Variants in GUCY1A2 observed in about 807,000 individuals in gnomAD.
GUCY1A2 encodes the protein guanylate cyclase soluble subunit alpha-2.
GUCY1A2 carries 27 observed loss-of-function variants against 63.5 expected under a neutral mutation model. That is an observed-to-expected ratio of 0.43 (90% CI 0.31 to 0.59). GUCY1A2 has a LOEUF of 0.59. GUCY1A2 is among the 20% of genes least tolerant of loss of function. The pLI is 0.11. For missense variants in GUCY1A2, 768 were observed against 913.3 expected (o/e 0.84, Z 2.05); for synonymous variants, 364 against 343.5 (o/e 1.06, Z -0.66).
intron 4 of GUCY1A2, among the ~76,000 whole-genome samples, chr11:106,909,485 T>A (rs1235113025): frequency 6.6e-6 from 1 of 151,660 alleles, no homozygotes; most frequent in African/African-American, 2.4e-5. Context: ...CAAAGAGTCC[T>A]GGTGTTGCCC....
At chr11:106,918,224 C>T (rs1275528036) in intron 4 of GUCY1A2, among the ~76,000 whole-genome samples, 1 of 144,090 alleles carries the variant, frequency 6.9e-6, no homozygotes, top group African/African-American at 2.5e-5. Flanking sequence ...CACAGATTTA[C>T]TTGCAACCAC....
Position 106,676,263 on chromosome 11 carries a change from T to C in GUCY1A2, c.*11286A>G, listed in dbSNP as rs532574301. ...AATGCCCTTACTCTTAAAGAAGATA[T>C]TTGACTTATTTTCCCTTAGGAGTCA... On this transcript the variant is annotated 3_prime_UTR_variant, in exon 8 of 8. Coordinates refer to ENST00000526355, the MANE Select transcript of GUCY1A2 (RefSeq NM_000855.3). The C allele has an allele frequency of 5.5e-6, 1 of 183,116 alleles. No homozygotes were observed. The highest frequency in any genetic ancestry group is 2.3e-5 in the African/African-American group (1 of 42,652). 11.3% of individuals were successfully genotyped at this position (183,116 alleles called of 1,614,324 possible). A position where few individuals can be genotyped will look rare whatever the true frequency, so the allele number is the denominator to read the frequency against.
intron 4 of GUCY1A2, among the ~76,000 whole-genome samples, chr11:106,818,155 T>C (rs528836649): frequency 6.6e-6 from 1 of 152,196 alleles, no homozygotes; most frequent in Non-Finnish European, 1.5e-5. Context: ...CCTCATTTTA[T>C]TGTGCTTCAC....
In GUCY1A2 at chr11:106,681,940, G is replaced by A. The variant is rs564133618; in HGVS notation, c.*5609C>T. 4.7e-6 allele frequency: 1 copy of A among 213,248 alleles called. No individual in the cohort carries two copies. Among genetic ancestry groups the A allele is most frequent in the African/African-American group, 2.3e-5 (1 of 44,136 alleles). The allele number at this position is 213,248 out of a possible 1,614,324, so 13.2% of individuals were successfully genotyped here. On this transcript the variant is annotated 3_prime_UTR_variant, in exon 8 of 8. Transcript: ENST00000526355. Reference sequence around the variant, plus strand: ...CATGACATAAAAATCAAAGCATTCAGAAGTAAGGCTGTCACTTTGATATTT... The same window carrying A: ...CATGACATAAAAATCAAAGCATTCAAAAGTAAGGCTGTCACTTTGATATTT...
At chr11:106,886,607 A>G (rs1399968259) in intron 4 of GUCY1A2, among the ~76,000 whole-genome samples, 3 of 152,154 alleles carry the variant, frequency 2.0e-5, no homozygotes, top group Admixed American at 1.3e-4. Flanking sequence ...AAACATAAAT[A>G]TATACAAATA....
intron 3 of GUCY1A2, among the ~76,000 whole-genome samples, chr11:106,946,198 T>C (rs1860826195): frequency 6.6e-6 from 1 of 152,094 alleles, no homozygotes; most frequent in Non-Finnish European, 1.5e-5. Context: ...AAGAAAATAA[T>C]TGATATTTTG....
chr11:106,847,281 A>G (rs1045864170), intron 4 of GUCY1A2, among the ~76,000 whole-genome samples: 1 of 141,578 alleles, frequency 7.1e-6, no homozygotes, highest in Non-Finnish European at 1.6e-5. Flanking sequence ...TTTTATAAGG[A>G]TTGTTTCTGC....
At position 106,682,807 on chromosome 11, in the gene GUCY1A2, AAAGGAAAG is replaced by A. The variant is rs1386080413; in HGVS notation, c.*4734_*4741del. On this transcript the variant is annotated 3_prime_UTR_variant, in exon 8 of 8. Coordinates refer to ENST00000526355, the MANE Select transcript of GUCY1A2 (RefSeq NM_000855.3). ...AATGTATCAGTGACCTTTTTTAATT[AAAGGAAAG>A]AAGGAACAAAGGAAGGAAGAAAACA... 2 of 212,564 alleles carry A rather than the reference AAAGGAAAG, an allele frequency of 9.4e-6. No individual in the cohort carries two copies. Among genetic ancestry groups the A allele is most frequent in the Non-Finnish European group, 1.9e-5 (2 of 104,958 alleles). 13.2% of individuals were successfully genotyped at this position (212,564 alleles called of 1,614,324 possible).
At chr11:106,708,915 T>C (rs1490572036) in intron 6 of GUCY1A2, among the ~76,000 whole-genome samples, 1 of 151,394 alleles carries the variant, frequency 6.6e-6, no homozygotes, top group Non-Finnish European at 1.5e-5. Context: ...ATGTTTAATT[T>C]GCTACATAAA....
Position 106,884,250 on chromosome 11 carries a change from C to T in GUCY1A2, c.1206+55210G>A, listed in dbSNP as rs183376542. On this transcript the variant is annotated intron_variant, in intron 4 of 7. Transcript: ENST00000526355. ...TTTATGGTGATAACATTTACCAGGG[C>T]TCTGTTTTTACAAAGTAATATTGCA... 2.0e-5 allele frequency among the ~76,000 whole-genome samples: 3 copies of T among 152,202 alleles called. No homozygotes were observed. In the East Asian group the frequency reaches 5.8e-4, roughly 29 times the overall value.
intron 5 of GUCY1A2, among the ~76,000 whole-genome samples, chr11:106,807,300 C>T (rs1174234698): frequency 6.6e-6 from 1 of 152,254 alleles, no homozygotes; most frequent in Non-Finnish European, 1.5e-5. Context: ...TAAAATAGCA[C>T]TGTGTGTATT....
intron 3 of GUCY1A2, among the ~76,000 whole-genome samples, chr11:106,948,441 T>C (rs1210729070): frequency 1.3e-5 from 2 of 152,122 alleles, no homozygotes; most frequent in Non-Finnish European, 1.5e-5. Context: ...AATATGATCA[T>C]ATCAGTAGAT....
At chr11:106,978,529 C>G (rs1247080102) in intron 3 of GUCY1A2, 90 bp downstream of exon 3, 7 of 820,594 alleles carry the variant, frequency 8.5e-6, no homozygotes, top group Non-Finnish European at 1.3e-5. Flanking sequence ...TTCTCCACAT[C>G]TCTCTTTGGT....
chr11:106,991,430 GA>G (rs941154913), intron 1 of GUCY1A2, among the ~76,000 whole-genome samples: 1 of 152,148 alleles, frequency 6.6e-6, no homozygotes, highest in African/African-American at 2.4e-5. Context: ...ATCACTTGGG[GA>G]TCTTTATAAA....
chr11:107,011,268 A>G (rs1257364032), intron 1 of GUCY1A2, among the ~76,000 whole-genome samples: 1 of 152,050 alleles, frequency 6.6e-6, no homozygotes, highest in East Asian at 1.9e-4. Flanking sequence ...ATGATCAACA[A>G]TGTATGTGTC....
intron 4 of GUCY1A2, among the ~76,000 whole-genome samples, chr11:106,931,295 C>T (rs1860597980): frequency 6.6e-6 from 1 of 152,078 alleles, no homozygotes; most frequent in Non-Finnish European, 1.5e-5. Flanking sequence ...GGAAGTATAA[C>T]TTAAAACCTA....
At chr11:106,700,813 A>G (rs2135343355) in intron 7 of GUCY1A2, among the ~76,000 whole-genome samples, 1 of 152,140 alleles carries the variant, frequency 6.6e-6, no homozygotes, top group East Asian at 1.9e-4. Context: ...TTTTAAGAAA[A>G]GGCTACAGAA....
At position 106,921,731 on chromosome 11, in the gene GUCY1A2, T is replaced by C. The variant is rs537034991; in HGVS notation, c.1206+17729A>G. ...AATGCTTATTCCAAGGCCTTGCTCA[T>C]TGTAAACACTTGGTAAAGCAAGCAA... On this transcript the variant is annotated intron_variant, in intron 4 of 7. Transcript: ENST00000526355. Among the ~76,000 whole-genome samples the C allele has an allele frequency of 9.2e-5, 14 of 152,260 alleles. No individual in the cohort carries two copies. The East Asian group carries it at 2.3e-3, about 25-fold the overall frequency.
At chr11:106,716,201 T>C (rs1411376063) in intron 6 of GUCY1A2, among the ~76,000 whole-genome samples, 1 of 152,118 alleles carries the variant, frequency 6.6e-6, no homozygotes, top group Non-Finnish European at 1.5e-5. Flanking sequence ...GGAGGCAGTT[T>C]GTAAGGCTGA....
Sources: allele counts gnomAD v4.1 joint callset (sites outside exome capture counted in the v4.1 genomes callset), GRCh38; gene constraint gnomAD v4.1.1; transcripts MANE v1.5; gene names NCBI Gene and HGNC (gene_info 2026-07-23, HGNC 2026-07-21).